Variants in ENPP3 observed in about 807,000 individuals in gnomAD.
ENPP3 encodes ectonucleotide pyrophosphatase/phosphodiesterase 3.
In ENPP3, 104 loss-of-function variants were observed where a neutral mutation model predicts 117.8. The observed-to-expected ratio is 0.88, with a 90% CI of 0.75 to 1.04. The LOEUF is 1.04. Ranked by LOEUF, ENPP3 falls within the 50% of genes least tolerant of loss-of-function variation. The pLI is 0.00. For synonymous variants in ENPP3, 380 were observed against 349.9 expected (o/e 1.09, Z -0.96); for missense variants, 1,026 against 1,051.9 (o/e 0.98, Z 0.34).
At chr6:131,691,312 G>A (rs148379331) in intron 14 of ENPP3, among the ~76,000 whole-genome samples, 21 of 152,194 alleles carry the variant, frequency 1.4e-4, no homozygotes, top group African/African-American at 5.1e-4. Flanking sequence ...AAAACGGCCG[G>A]GCGCGGTGGC....
intron 12 of ENPP3, among the ~76,000 whole-genome samples, chr6:131,683,746 C>CA (rs1554263492): frequency 7.0e-6 from 1 of 143,536 alleles, no homozygotes; most frequent in African/African-American, 2.7e-5. Flanking sequence ...ACTCACTCTA[C>CA]AGGTTTTTTT....
chr6:131,745,768 G>A (rs1253826731), intron 24 of ENPP3, among the ~76,000 whole-genome samples: 2 of 152,142 alleles, frequency 1.3e-5, no homozygotes, highest in African/African-American at 4.8e-5. Context: ...CTATAGAACT[G>A]TAAATTGGTA....
rs1189993946 is a variant in ENPP3, at chr6:131,637,929, AC to A, written c.78+473del. On this transcript the variant is annotated intron_variant, in intron 1 of 24. Coordinates refer to ENST00000357639, the MANE Select transcript of ENPP3 (RefSeq NM_005021.5). ...GTGGTAAGATCTGCCACCCCCCCTCACCCCCCAAATAAATTTTCCTTGATTT... is the reference window on the plus strand; with the variant it reads ...GTGGTAAGATCTGCCACCCCCCCTCACCCCCAAATAAATTTTCCTTGATTT... Among the ~76,000 whole-genome samples, 6 of 88,678 alleles carry A rather than the reference AC, an allele frequency of 6.8e-5. No individual in the cohort carries two copies. The East Asian group carries it at 1.8e-3, about 26-fold the overall frequency. 58.2% of individuals were successfully genotyped at this position (88,678 alleles called of 152,430 possible). A position where few individuals can be genotyped will look rare whatever the true frequency, so the allele number is the denominator to read the frequency against.
intron 15 of ENPP3, among the ~76,000 whole-genome samples, chr6:131,706,922 G>T (rs1158664676): frequency 6.6e-6 from 1 of 151,936 alleles, no homozygotes. Flanking sequence ...CTCTCTCCTG[G>T]TTTTGGTATC....
intron 15 of ENPP3, among the ~76,000 whole-genome samples, chr6:131,701,960 T>C (rs1458462792): frequency 2.0e-5 from 3 of 152,074 alleles, no homozygotes; most frequent in Non-Finnish European, 4.4e-5. Context: ...ACGTTAATTT[T>C]TTAATAAAGG....
chr6:131,724,224 G>T, intron 19 of ENPP3, 133 bp downstream of exon 19: 10 of 429,616 alleles, frequency 2.3e-5, no homozygotes, highest in East Asian at 2.3e-4. Flanking sequence ...ATATACAAAA[G>T]GTAAAAAAAA....
At chr6:131,652,765 G>A (rs578155131) in intron 4 of ENPP3, 66 bp from the exon 5 acceptor site, 381 of 1,589,614 alleles carry the variant, frequency 2.4e-4, no homozygotes, top group South Asian at 5.9e-4. Context: ...AAAACACATC[G>A]GAGAATCTTT....
intron 1 of ENPP3, among the ~76,000 whole-genome samples, chr6:131,639,267 T>TA (rs1562421609): frequency 2.2e-3 from 176 of 78,722 alleles, no homozygotes; most frequent in African/African-American, 8.9e-3. Context: ...ATATATATAT[T>TA]TTTTTTTTTT....
chr6:131,673,734 A>C (rs921337724), intron 7 of ENPP3, among the ~76,000 whole-genome samples: 8 of 152,044 alleles, frequency 5.3e-5, no homozygotes, highest in Non-Finnish European at 1.0e-4. Flanking sequence ...GAAAGAAAGA[A>C]AGAAAATATT....
At position 131,654,996 on chromosome 6, in the gene ENPP3, C is replaced by T. The variant is rs559804867; in HGVS notation, c.464+2105C>T. Among the ~76,000 whole-genome samples, 107 of 152,240 alleles carry T rather than the reference C, an allele frequency of 7.0e-4. 1 individual carries two copies. The South Asian group carries it at 9.1e-3, about 13-fold the overall frequency. ...AAATAATAACAATGCCAGGGTCAGA[C>T]GATTTCATGTGAGAATTAAATGACC... On this transcript the variant is annotated intron_variant, in intron 5 of 24. Coordinates refer to ENST00000357639, the MANE Select transcript of ENPP3 (RefSeq NM_005021.5).
At chr6:131,641,428 A>G (rs1183550580) in intron 1 of ENPP3, 27 bp from the exon 2 acceptor site, 1 of 1,532,186 alleles carries the variant, frequency 6.5e-7, no homozygotes, top group African/African-American at 1.4e-5. Context: ...AAAAATTATA[A>G]AAGTTACTTT....
At chr6:131,742,660 C>T (rs1366751995) in intron 24 of ENPP3, among the ~76,000 whole-genome samples, 1 of 152,006 alleles carries the variant, frequency 6.6e-6, no homozygotes, top group East Asian at 1.9e-4. Flanking sequence ...CCAGCCTGTA[C>T]TTAAGTCTCT....
At chr6:131,674,032 C>A (rs1479360763) in intron 7 of ENPP3, 130 bp from the exon 8 acceptor site, 2 of 582,372 alleles carry the variant, frequency 3.4e-6, no homozygotes, top group African/African-American at 1.9e-5. Flanking sequence ...AAGTTCAGGT[C>A]CAGGTGTTTT....
chr6:131,639,244 CT>C (rs1354304877), intron 1 of ENPP3, among the ~76,000 whole-genome samples: 1 of 129,758 alleles, frequency 7.7e-6, no homozygotes. Context: ...AGCTCTTATG[CT>C]AATATATATA....
intron 7 of ENPP3, among the ~76,000 whole-genome samples, chr6:131,673,814 CAAT>C (rs966036511): frequency 4.6e-5 from 7 of 152,020 alleles, no homozygotes; most frequent in Non-Finnish European, 1.0e-4. Context: ...AACAATACAA[CAAT>C]GATTGACATA....
At chr6:131,666,847 C>T (rs963563620) in intron 6 of ENPP3, among the ~76,000 whole-genome samples, 1 of 152,190 alleles carries the variant, frequency 6.6e-6, no homozygotes, top group Admixed American at 6.5e-5. Flanking sequence ...TTTCATGGAC[C>T]GGCCTCGTAT....
At chr6:131,733,117 G>C (rs2114559412) in intron 20 of ENPP3, among the ~76,000 whole-genome samples, 1 of 152,212 alleles carries the variant, frequency 6.6e-6, no homozygotes, top group South Asian at 2.1e-4. Flanking sequence ...AATTTGTTTA[G>C]ACAACTACAC....
chr6:131,651,185 G>T (rs1420883211), intron 3 of ENPP3, among the ~76,000 whole-genome samples: 1 of 151,684 alleles, frequency 6.6e-6, no homozygotes, highest in Non-Finnish European at 1.5e-5. Flanking sequence ...ATCCCAAAGT[G>T]CTGGGATTAC....
At chr6:131,667,283 C>T (rs890312717) in intron 6 of ENPP3, among the ~76,000 whole-genome samples, 2 of 152,060 alleles carry the variant, frequency 1.3e-5, no homozygotes, top group Non-Finnish European at 2.9e-5. Flanking sequence ...CGCTCCAATA[C>T]AGACAAGACA....
Sources: gnomAD v4.1 joint callset for allele counts (sites outside exome capture counted in the v4.1 genomes callset) on GRCh38, gnomAD v4.1.1 for gene constraint, MANE v1.5 for transcripts, NCBI Gene and HGNC (gene_info 2026-07-23, HGNC 2026-07-21) for gene names.